The following SORCS3 variants were observed in gnomAD, a reference collection of about 807,000 sequenced individuals.
The protein encoded by SORCS3 is VPS10 domain-containing receptor SorCS3.
In SORCS3, 57 loss-of-function variants were observed where a neutral mutation model predicts 146.3. The ratio of observed to expected loss-of-function variants is 0.39; its 90% confidence interval spans 0.31 to 0.49. The LOEUF is 0.49. Among genes scored for constraint, SORCS3 ranks in the 20% least tolerant of loss-of-function variants. The pLI, the probability that SORCS3 is intolerant of heterozygous loss-of-function variation, is 0.92. For missense variants in SORCS3, 1,341 were observed against 1,575.5 expected, an observed-to-expected ratio of 0.85 and a Z score of 2.52; for synonymous variants, 653 against 618.5, an observed-to-expected ratio of 1.06 and a Z score of -0.83.
intron 8 of SORCS3, among the ~76,000 whole-genome samples, chr10:105,143,602 A>G (rs1047767457): frequency 2.0e-5 from 3 of 152,164 alleles, no homozygotes; most frequent in Non-Finnish European, 2.9e-5. Context: ...ACCATGTGCC[A>G]GATACTCTGG....
At chr10:104,948,423 G>T (rs1267505895) in intron 3 of SORCS3, among the ~76,000 whole-genome samples, 2 of 152,206 alleles carry the variant, frequency 1.3e-5, no homozygotes, top group African/African-American at 4.8e-5. Context: ...AATGGGCAAG[G>T]ACTCTCAGTG....
intron 17 of SORCS3, among the ~76,000 whole-genome samples, chr10:105,213,425 A>G (rs952021654): frequency 3.3e-5 from 5 of 152,216 alleles, no homozygotes; most frequent in African/African-American, 1.2e-4. Context: ...ATAGTGAGTG[A>G]AAGAAGACAA....
chr10:104,997,558 G>A (rs566455521), intron 4 of SORCS3, among the ~76,000 whole-genome samples: 39 of 152,284 alleles, frequency 2.6e-4, no homozygotes, highest in Middle Eastern at 3.4e-3. Context: ...CCAGTCTTGG[G>A]AGAAGAAGAA....
chr10:104,960,348 G>A (rs987799899), intron 3 of SORCS3, among the ~76,000 whole-genome samples: 2 of 152,068 alleles, frequency 1.3e-5, no homozygotes, highest in African/African-American at 2.4e-5. Flanking sequence ...ATTATCTGTT[G>A]CTTGTAGCAG....
At chr10:105,219,195 C>T (rs147094718) in intron 19 of SORCS3, among the ~76,000 whole-genome samples, 62 of 152,146 alleles carry the variant, frequency 4.1e-4, no homozygotes, top group African/African-American at 1.3e-3. Flanking sequence ...TTCATTACAG[C>T]GAAAGGGTAC....
At chr10:105,100,707 T>A (rs113499874) in intron 6 of SORCS3, among the ~76,000 whole-genome samples, 9 of 152,376 alleles carry the variant, frequency 5.9e-5, no homozygotes, top group African/African-American at 2.2e-4. Context: ...ACCTGTGATA[T>A]CATGGTCTTT....
chr10:104,991,909 T>C (rs2133663336), intron 4 of SORCS3, among the ~76,000 whole-genome samples: 1 of 152,298 alleles, frequency 6.6e-6, no homozygotes, highest in South Asian at 2.1e-4. Flanking sequence ...TATAGTAACA[T>C]TCTGAGGTAC....
rs2018612934 is a variant in SORCS3, at chr10:104,879,751, C to T, written c.696-36082C>T. 5.3e-5 allele frequency among the ~76,000 whole-genome samples: 8 copies of T among 152,318 alleles called. No individual in the cohort carries two copies. The South Asian group carries it at 1.7e-3, about 32-fold the overall frequency. The stretch of plus-strand genomic sequence containing the variant: ...TAGAAAAGGCATCCTTTCTTCTAGA[C>T]AGGTGCTGCCCTGAGCCAGGGCTCA... On this transcript the variant is annotated intron_variant, in intron 2 of 26. Transcript: ENST00000369701.
chr10:105,092,865 C>T (rs1374639819), intron 6 of SORCS3, among the ~76,000 whole-genome samples: 1 of 152,104 alleles, frequency 6.6e-6, no homozygotes, highest in Non-Finnish European at 1.5e-5. Flanking sequence ...AAATTAACAT[C>T]ATCTTGATGA....
At chr10:104,823,484 C>T (rs1416076410) in intron 1 of SORCS3, among the ~76,000 whole-genome samples, 3 of 152,154 alleles carry the variant, frequency 2.0e-5, no homozygotes, top group Non-Finnish European at 4.4e-5. Context: ...TCTCCTTTCC[C>T]ACTGCCATTG....
At chr10:105,077,459 G>A (rs767915258) in intron 5 of SORCS3, among the ~76,000 whole-genome samples, 4 of 151,504 alleles carry the variant, frequency 2.6e-5, no homozygotes, top group Non-Finnish European at 4.4e-5. Flanking sequence ...TGCATATTCT[G>A]AGCAACTTCC....
At chr10:104,758,636 C>T (rs1356460734) in intron 1 of SORCS3, among the ~76,000 whole-genome samples, 1 of 152,160 alleles carries the variant, frequency 6.6e-6, no homozygotes, top group African/African-American at 2.4e-5. Context: ...GGATGCCCTA[C>T]ACTTCATCAC....
intron 1 of SORCS3, among the ~76,000 whole-genome samples, chr10:104,787,714 A>C (rs2017454532): frequency 6.6e-6 from 1 of 152,116 alleles, no homozygotes; most frequent in South Asian, 2.1e-4. Flanking sequence ...AAAAGAAGAA[A>C]TCACTTTTCC....
chr10:104,829,349 A>G (rs2017976059), intron 1 of SORCS3, among the ~76,000 whole-genome samples: 1 of 152,194 alleles, frequency 6.6e-6, no homozygotes, highest in Non-Finnish European at 1.5e-5. Flanking sequence ...AGAACAGCTG[A>G]GACATCAGAG....
At chr10:105,158,557 G>T (rs934704316) in intron 10 of SORCS3, among the ~76,000 whole-genome samples, 1 of 152,098 alleles carries the variant, frequency 6.6e-6, no homozygotes, top group African/African-American at 2.4e-5. Flanking sequence ...GAGAATGTTA[G>T]TGTCATCCTG....
chr10:104,929,935 C>T (rs1055201344), intron 3 of SORCS3, among the ~76,000 whole-genome samples: 32 of 152,122 alleles, frequency 2.1e-4, no homozygotes, highest in African/African-American at 6.8e-4. Context: ...CATGAAATCA[C>T]CTCATTAAAG....
chr10:105,074,459 C>A (rs1221410939), intron 5 of SORCS3, among the ~76,000 whole-genome samples: 1 of 152,202 alleles, frequency 6.6e-6, no homozygotes. Context: ...TTCCTCCCTT[C>A]AAGAAACGTG....
At chr10:105,232,612 G>T (rs2056771892) in intron 20 of SORCS3, among the ~76,000 whole-genome samples, 1 of 150,306 alleles carries the variant, frequency 6.7e-6, no homozygotes, top group African/African-American at 2.4e-5. Flanking sequence ...TTCCTGAGAT[G>T]GGAGGTTAGA....
intron 1 of SORCS3, among the ~76,000 whole-genome samples, chr10:104,648,492 G>A (rs181851558): frequency 4.7e-4 from 71 of 152,300 alleles, no homozygotes; most frequent in Non-Finnish European, 9.0e-4. Context: ...TAGTTAGAGA[G>A]ATTTAGGAAT....
Sources: gnomAD v4.1 joint callset for allele counts (sites outside exome capture counted in the v4.1 genomes callset) on GRCh38, gnomAD v4.1.1 for gene constraint, MANE v1.5 for transcripts, NCBI Gene and HGNC (gene_info 2026-07-23, HGNC 2026-07-21) for gene names.